The following KCNIP4 variants were observed in gnomAD, a reference collection of about 807,000 sequenced individuals.
KCNIP4 encodes potassium voltage-gated channel interacting protein 4.
KCNIP4 carries 12 observed loss-of-function variants against 34.0 expected under a neutral mutation model. The ratio of observed to expected loss-of-function variants is 0.35; its 90% CI spans 0.23 to 0.57. KCNIP4 has a LOEUF of 0.57. KCNIP4 is among the 20% of genes least tolerant of loss of function. The probability of loss-of-function intolerance (pLI) is 0.83; values close to 1 mark genes in which losing one functional copy is unlikely to be tolerated. For missense variants in KCNIP4, 238 were observed against 311.7 expected, an observed-to-expected ratio of 0.76 and a Z score of 1.78; for synonymous variants, 124 against 102.2, an observed-to-expected ratio of 1.21 and a Z score of -1.29.
intron 1 of KCNIP4, among the ~76,000 whole-genome samples, chr4:21,592,673 G>A (rs1218288367): frequency 1.3e-5 from 2 of 152,068 alleles, no homozygotes; most frequent in Non-Finnish European, 2.9e-5. Context: ...TAAGAAAGCT[G>A]CATATTTAAT....
chr4:21,744,669 C>T (rs1716654971), intron 1 of KCNIP4, among the ~76,000 whole-genome samples: 2 of 152,164 alleles, frequency 1.3e-5, no homozygotes, highest in South Asian at 4.1e-4. Context: ...GCCAAGGTCA[C>T]TTCTAATTGG....
intron 1 of KCNIP4, among the ~76,000 whole-genome samples, chr4:21,174,956 T>G (rs1754296126): frequency 6.6e-6 from 1 of 152,070 alleles, no homozygotes; most frequent in Admixed American, 6.6e-5. Flanking sequence ...CATATTATTT[T>G]CAGCAAGCTT....
chr4:21,769,136 A>G (rs1718612557), intron 1 of KCNIP4, among the ~76,000 whole-genome samples: 1 of 151,840 alleles, frequency 6.6e-6, no homozygotes, highest in Non-Finnish European at 1.5e-5. Flanking sequence ...TAAAAGTGCT[A>G]CTCTCTCCAC....
At chr4:21,233,218 G>A (rs1196404584) in intron 1 of KCNIP4, among the ~76,000 whole-genome samples, 1 of 152,098 alleles carries the variant, frequency 6.6e-6, no homozygotes, top group Non-Finnish European at 1.5e-5. Flanking sequence ...GATTTAAGTT[G>A]TCACTGATGA....
rs190023948 is a variant in KCNIP4, at chr4:21,428,905, A to G, written c.61+519666T>C. 1.1e-4 allele frequency among the ~76,000 whole-genome samples: 16 copies of G among 152,292 alleles called. 1 individual carries two copies. In the East Asian group the frequency reaches 3.1e-3, roughly 29 times the overall value. On this transcript the variant is annotated intron_variant, in intron 1 of 8. Transcript: ENST00000382152. ...CCCATATACTCTCTGCCCCCACACA[A>G]GCACCTACCCCATTATCAATATCTT...
intron 3 of KCNIP4, among the ~76,000 whole-genome samples, chr4:20,773,594 A>AG (rs1756107388): frequency 6.6e-6 from 1 of 152,180 alleles, no homozygotes; most frequent in East Asian, 1.9e-4. Context: ...ATGAGGCACA[A>AG]GGGGGCAGTA....
At chr4:21,937,180 G>A (rs4697249) in intron 1 of KCNIP4, among the ~76,000 whole-genome samples, 46,372 of 151,866 alleles carry the variant, frequency 0.31, 8,108 homozygotes, top group Non-Finnish European at 0.4. Context: ...ATTTCCATCT[G>A]CCTTTGGGAC....
chr4:21,820,784 A>G (rs1722310318), intron 1 of KCNIP4, among the ~76,000 whole-genome samples: 1 of 152,072 alleles, frequency 6.6e-6, no homozygotes, highest in Non-Finnish European at 1.5e-5. Flanking sequence ...TTCTTCTTTA[A>G]TCTACATTTG....
At chr4:21,198,659 G>A (rs1431726206) in intron 1 of KCNIP4, among the ~76,000 whole-genome samples, 3 of 152,158 alleles carry the variant, frequency 2.0e-5, no homozygotes, top group Admixed American at 6.5e-5. Context: ...CATGACCTGC[G>A]CTGGACTTAC....
At chr4:20,956,195 A>G (rs974401900) in intron 1 of KCNIP4, among the ~76,000 whole-genome samples, 4 of 152,228 alleles carry the variant, frequency 2.6e-5, no homozygotes, top group African/African-American at 9.6e-5. Context: ...TTAGGAGAAA[A>G]TAAACTTTCA....
Position 21,698,850 on chromosome 4 carries a change from G to C in KCNIP4, c.61+249721C>G, listed in dbSNP as rs997526827. The stretch of plus-strand genomic sequence containing the variant: ...TTCTACACTAAAGAAAGAACTCCTG[G>C]ACTCATAGACTGAAACACATTGAAT... On this transcript the variant is annotated intron_variant, in intron 1 of 8. Transcript: ENST00000382152. Among the ~76,000 whole-genome samples, 7 of 152,014 alleles carry C rather than the reference G, an allele frequency of 4.6e-5. No individual in the cohort carries two copies. In the South Asian group the frequency reaches 6.2e-4, roughly 14 times the overall value.
chr4:21,734,000 A>G (rs1715803127), intron 1 of KCNIP4, among the ~76,000 whole-genome samples: 1 of 152,160 alleles, frequency 6.6e-6, no homozygotes, highest in African/African-American at 2.4e-5. Flanking sequence ...CTTAAGTAAT[A>G]AGTGTCAGAC....
chr4:21,850,568 T>G (rs907322321), intron 1 of KCNIP4: 5 of 152,116 alleles, frequency 3.3e-5, no homozygotes, highest in African/African-American at 1.2e-4. Flanking sequence ...AACCTTGGAC[T>G]TTTCAACCTC....
Position 21,519,725 on chromosome 4 carries a change from C to T in KCNIP4, c.61+428846G>A, listed in dbSNP as rs1472033030. ...GTGTATGTATGTGTATATATACACA[C>T]GTGTGTATATGTATGATACACACGT... On this transcript the variant is annotated intron_variant, in intron 1 of 8. Transcript: ENST00000382152. 9.8e-5 allele frequency among the ~76,000 whole-genome samples: 11 copies of T among 112,050 alleles called. 1 individual carries two copies. In the South Asian group the frequency reaches 2.0e-3, roughly 20 times the overall value. The allele number at this position is 112,050 out of a possible 152,430, so 73.5% of individuals were successfully genotyped here. A position where few individuals can be genotyped will look rare whatever the true frequency, so the allele number is the denominator to read the frequency against.
intron 1 of KCNIP4, among the ~76,000 whole-genome samples, chr4:21,192,021 T>C (rs1755683707): frequency 6.6e-6 from 1 of 152,218 alleles, no homozygotes. Flanking sequence ...TTTTATATTA[T>C]AGTTAACATG....
intron 2 of KCNIP4, among the ~76,000 whole-genome samples, chr4:20,879,818 G>T (rs1247252134): frequency 6.6e-6 from 1 of 152,118 alleles, no homozygotes; most frequent in East Asian, 1.9e-4. Context: ...TATAAATTGG[G>T]AAGCTTGCAT....
At chr4:20,850,520 A>C (rs1433033449) in intron 3 of KCNIP4, 23 bp downstream of exon 3, 1 of 1,609,342 alleles carries the variant, frequency 6.2e-7, no homozygotes, top group Admixed American at 1.7e-5. Flanking sequence ...GTGTGAAGGT[A>C]AAGTCAAAAA....
At chr4:20,952,776 C>T (rs558986987) in intron 1 of KCNIP4, among the ~76,000 whole-genome samples, 3 of 93,028 alleles carry the variant, frequency 3.2e-5, no homozygotes, top group Admixed American at 2.5e-4. Context: ...GTTTAGGCTG[C>T]TATAATAAAA....
At chr4:20,809,507 G>A (rs1715469439) in intron 3 of KCNIP4, among the ~76,000 whole-genome samples, 1 of 152,036 alleles carries the variant, frequency 6.6e-6, no homozygotes, top group African/African-American at 2.4e-5. Context: ...GTGGAATTCT[G>A]GCTTATAGGC....
Sources: gnomAD v4.1 joint callset for allele counts (sites outside exome capture counted in the v4.1 genomes callset) on GRCh38, gnomAD v4.1.1 for gene constraint, MANE v1.5 for transcripts, NCBI Gene and HGNC (gene_info 2026-07-23, HGNC 2026-07-21) for gene names.